UNC5A: variants seen among roughly 807,000 people sequenced by gnomAD.
UNC5A encodes netrin receptor UNC5A.
UNC5A carries 20 observed loss-of-function variants against 87.4 expected under a neutral mutation model. The observed-to-expected ratio is 0.23, with a 90% CI of 0.16 to 0.33. UNC5A has a LOEUF of 0.33. Ranked by LOEUF, UNC5A falls within the 10% of genes least tolerant of loss-of-function variation. The pLI is 1.00. For missense variants in UNC5A, 844 were observed against 1,133.4 expected (o/e 0.74, Z 3.67); for synonymous variants, 438 against 482.3 (o/e 0.91, Z 1.20).
chr5:176,862,856 T>C lies in UNC5A; in HGVS notation c.292+11T>C, dbSNP rs777796633. 1.9e-6 allele frequency: 3 copies of C among 1,611,984 alleles called. No individual in the cohort carries two copies. The African/African-American group carries it at 4.0e-5, about 21-fold the overall frequency. On this transcript the variant is annotated intron_variant, in intron 2 of 14. Coordinates refer to ENST00000329542, the MANE Select transcript of UNC5A (RefSeq NM_133369.3). Reference sequence around the variant, plus strand: ...CAGACGGGAGCAGTGGTGAGCCGCATGGGGCGCCAGGCAGGGCCAATCCGG... The same window carrying C: ...CAGACGGGAGCAGTGGTGAGCCGCACGGGGCGCCAGGCAGGGCCAATCCGG...
intron 1 of UNC5A, among the ~76,000 whole-genome samples, chr5:176,818,656 C>T (rs1756654197): frequency 6.6e-6 from 1 of 152,180 alleles, no homozygotes; most frequent in Non-Finnish European, 1.5e-5. Context: ...CGATCTCCCC[C>T]ACCACACACC....
At position 176,879,590 on chromosome 5, in the gene UNC5A, G is replaced by T. The variant is rs1467935647; in HGVS notation, c.2363+102G>T. ...CAGGAGGCCCTGTGGGGCCTGTGCCGCATCTACTAGTGGCCGGGGCAGTCA... is the reference window on the plus strand; with the variant it reads ...CAGGAGGCCCTGTGGGGCCTGTGCCTCATCTACTAGTGGCCGGGGCAGTCA... On this transcript the variant is annotated intron_variant, in intron 14 of 14. Coordinates refer to ENST00000329542, the MANE Select transcript of UNC5A (RefSeq NM_133369.3). The T allele has an allele frequency of 3.2e-6, 5 of 1,541,024 alleles. No homozygotes were observed. The African/African-American group carries it at 5.5e-5, about 17-fold the overall frequency.
At chr5:176,842,488 C>G (rs919321547) in intron 1 of UNC5A, among the ~76,000 whole-genome samples, 1 of 134,204 alleles carries the variant, frequency 7.5e-6, no homozygotes, top group Non-Finnish European at 1.5e-5. Flanking sequence ...AATGGAGAAA[C>G]TGTGATATAT....
chr5:176,826,980 C>T (rs889120113), intron 1 of UNC5A, among the ~76,000 whole-genome samples: 1 of 151,884 alleles, frequency 6.6e-6, no homozygotes, highest in Non-Finnish European at 1.5e-5. Flanking sequence ...ATTAAGCAGT[C>T]ACTCCCCATT....
chr5:176,830,584 GTGCTGGTGTGTGCA>G (rs1561644041), intron 1 of UNC5A, among the ~76,000 whole-genome samples: 2 of 145,470 alleles, frequency 1.4e-5, no homozygotes, highest in African/African-American at 5.1e-5. Context: ...GTGTGTGCGC[GTGCTGGTGTGTGCA>G]TGCTGGTGTG....
Position 176,870,314 on chromosome 5 carries a change from C to T in UNC5A, c.722-56C>T, listed in dbSNP as rs537613239. 4.6e-5 allele frequency: 73 copies of T among 1,579,604 alleles called. 2 individuals are homozygous for T. In the Middle Eastern group the frequency reaches 1.9e-3, roughly 40 times the overall value. ...CAGAGGGGCCACACTGGCAGACTGC[C>T]GGGGTGGGCTCCCAGGCTGACCGCA... is the stretch of plus-strand genomic sequence containing the variant. On this transcript the variant is annotated intron_variant, in intron 5 of 14. Transcript: ENST00000329542.
At chr5:176,859,496 G>GT (rs1757774300) in intron 1 of UNC5A, among the ~76,000 whole-genome samples, 2 of 142,142 alleles carry the variant, frequency 1.4e-5, no homozygotes, top group Admixed American at 6.9e-5. Context: ...CTGCTAGAAT[G>GT]CCCTTGCTAG....
chr5:176,851,212 G>A (rs1757534281), intron 1 of UNC5A, among the ~76,000 whole-genome samples: 1 of 152,246 alleles, frequency 6.6e-6, no homozygotes, highest in South Asian at 2.1e-4. Context: ...ATTCAAATTA[G>A]TTCCTTGCCT....
At chr5:176,853,070 C>T (rs576934861) in intron 1 of UNC5A, among the ~76,000 whole-genome samples, 4 of 152,268 alleles carry the variant, frequency 2.6e-5, no homozygotes, top group African/African-American at 7.2e-5. Flanking sequence ...AGAGATGGGA[C>T]GGGTTAGAGC....
rs1756808901 is a variant in UNC5A at position 176,824,596 on chromosome 5, T to C, written c.70+13776T>C. Among the ~76,000 whole-genome samples, 1 of 151,630 alleles carries C rather than the reference T, an allele frequency of 6.6e-6. No homozygotes were observed. The highest frequency in any genetic ancestry group is 2.4e-5 in the African/African-American group (1 of 41,222). Reference sequence around the variant, plus strand: ...GAAAGAGAGAGAATTCACATAAAAATCCAAATGTCAGGCTTCTCTTGAAAA... The same window carrying C: ...GAAAGAGAGAGAATTCACATAAAAACCCAAATGTCAGGCTTCTCTTGAAAA... On this transcript the variant is annotated intron_variant, in intron 1 of 14. Transcript: ENST00000329542. This position sits in a 1 kb window ranked among gnomAD's most constrained non-coding sequence, Gnocchi z 4.2.
intron 2 of UNC5A, among the ~76,000 whole-genome samples, chr5:176,864,151 GT>G (rs928265042): frequency 5.3e-5 from 8 of 152,046 alleles, no homozygotes; most frequent in African/African-American, 1.9e-4. Context: ...GCCTAGAGAG[GT>G]GGCCCAGGAA....
intron 1 of UNC5A, among the ~76,000 whole-genome samples, chr5:176,830,029 C>T (rs1428924097): frequency 6.6e-6 from 1 of 152,058 alleles, no homozygotes; most frequent in African/African-American, 2.4e-5. Context: ...GGTGTGCCAC[C>T]ATGCCCAGCT....
intron 1 of UNC5A, among the ~76,000 whole-genome samples, chr5:176,825,942 G>T (rs112061439): frequency 0.015 from 2,300 of 152,348 alleles, 61 homozygotes; most frequent in African/African-American, 0.051. Flanking sequence ...GGAAGCAGGG[G>T]CATGCTGGGT....
intron 1 of UNC5A, among the ~76,000 whole-genome samples, chr5:176,840,242 G>C (rs1757243967): frequency 6.6e-6 from 1 of 152,170 alleles, no homozygotes; most frequent in African/African-American, 2.4e-5. Flanking sequence ...GAGAGCAGGG[G>C]CTTGTAAGGA....
chr5:176,840,686 CT>C (rs904757657), intron 1 of UNC5A, among the ~76,000 whole-genome samples: 16 of 152,314 alleles, frequency 1.1e-4, no homozygotes, highest in East Asian at 1.9e-4. Context: ...CTCTCCCCCC[CT>C]GGCCCAGGCG....
chr5:176,851,659 C>T (rs575903185), intron 1 of UNC5A, among the ~76,000 whole-genome samples: 5 of 152,328 alleles, frequency 3.3e-5, no homozygotes, highest in South Asian at 4.1e-4. Context: ...GTGCACCCCC[C>T]TCGGGTGGCC....
rs576034621 is a variant in UNC5A, at chr5:176,831,685, C to T, written c.70+20865C>T. Reference sequence around the variant, plus strand: ...CACAGTGACCTCACACCTGTCTCCTCGTCTCCTGCCCACCTCCACCTCCCA... The same window carrying T: ...CACAGTGACCTCACACCTGTCTCCTTGTCTCCTGCCCACCTCCACCTCCCA... On this transcript the variant is annotated intron_variant, in intron 1 of 14. Transcript: ENST00000329542. Among the ~76,000 whole-genome samples the T allele has an allele frequency of 4.6e-5, 7 of 152,270 alleles. No individual in the cohort carries two copies. The East Asian group carries it at 9.7e-4, about 21-fold the overall frequency.
chr5:176,843,767 A>AG (rs1018695096), intron 1 of UNC5A, among the ~76,000 whole-genome samples: 2 of 152,178 alleles, frequency 1.3e-5, no homozygotes, highest in African/African-American at 4.8e-5. Context: ...AGGCTGGCCA[A>AG]GGAGGGCGCC....
intron 1 of UNC5A, among the ~76,000 whole-genome samples, chr5:176,818,060 C>T (rs932600329): frequency 2.0e-5 from 3 of 152,054 alleles, no homozygotes; most frequent in Admixed American, 2.0e-4. Context: ...GGCACCGCCG[C>T]GCGGCCGCCT....
Sources: allele counts gnomAD v4.1 joint callset (sites outside exome capture counted in the v4.1 genomes callset), GRCh38; gene constraint gnomAD v4.1.1; non-coding constraint Gnocchi (gnomAD v3.1); transcripts MANE v1.5; gene names NCBI Gene and HGNC (gene_info 2026-07-23, HGNC 2026-07-21).